The following DPF1 variants were observed in gnomAD, a reference collection of about 807,000 sequenced individuals.
DPF1 encodes the protein double PHD fingers 1, also known as zinc finger protein neuro-d4.
DPF1 carries 14 observed loss-of-function variants against 58.7 expected under a neutral mutation model. The ratio of observed to expected loss-of-function variants is 0.24; its 90% CI spans 0.16 to 0.37. The LOEUF (loss-of-function observed/expected upper bound fraction) is 0.37. Among genes scored for constraint, DPF1 ranks in the 10% least tolerant of loss-of-function variants. The pLI, the probability that DPF1 is intolerant of heterozygous loss-of-function variation, is 1.00. For missense variants in DPF1, 345 were observed against 529.9 expected, an observed-to-expected ratio of 0.65 and a Z score of 3.43; for synonymous variants, 216 against 216.0, an observed-to-expected ratio of 1.00 and a Z score of 0.00.
chr19:38,223,126 A>C, intron 1 of DPF1: 2 of 177,014 alleles, frequency 1.1e-5, no homozygotes, highest in African/African-American at 2.4e-5. Flanking sequence ...AAAGACAAAT[A>C]TCCCAAGTTC....
chr19:38,215,608 T>C (rs938115302), intron 9 of DPF1, among the ~76,000 whole-genome samples: 1 of 152,148 alleles, frequency 6.6e-6, no homozygotes, highest in South Asian at 2.1e-4. Flanking sequence ...CAGCTAACTT[T>C]TTTTATATAT....
chr19:38,219,196 G>T, intron 3 of DPF1, 138 bp from the exon 4 acceptor site: 1 of 1,281,444 alleles, frequency 7.8e-7, no homozygotes, highest in South Asian at 1.4e-5. Flanking sequence ...TGCCCTAGGA[G>T]GGAGGCCCAG....
rs1973444902 is a variant in DPF1 at position 38,211,836 on chromosome 19, T to A, written c.*227A>T. 1 of 570,564 alleles carries A rather than the reference T, an allele frequency of 1.8e-6. No homozygotes were observed. Among genetic ancestry groups the A allele is most frequent in the Admixed American group, 3.2e-5 (1 of 30,988 alleles). The allele number at this position is 570,564 out of a possible 1,614,324, so 35.3% of individuals were successfully genotyped here. Reference sequence around the variant, plus strand: ...TGAGGGGAGAAGCCCCTGGTGTCCATTTGCCAAGGGACAGAGAGGGAGGGA... The same window carrying A: ...TGAGGGGAGAAGCCCCTGGTGTCCAATTGCCAAGGGACAGAGAGGGAGGGA... On this transcript the variant is annotated 3_prime_UTR_variant, in exon 12 of 12. Transcript: ENST00000355526. This position sits in a 1 kb window ranked among gnomAD's most constrained non-coding sequence, Gnocchi z 4.0.
chr19:38,219,157 G>A (rs1967263396), intron 3 of DPF1, 99 bp from the exon 4 acceptor site: 31 of 1,509,136 alleles, frequency 2.1e-5, no homozygotes, highest in Non-Finnish European at 2.8e-5. Context: ...CAGGAGGGAA[G>A]AGGCTGCAGA....
chr19:38,217,720 CGGGA>C, intron 6 of DPF1, 74 bp downstream of exon 6: 1 of 1,597,886 alleles, frequency 6.3e-7, no homozygotes, highest in Non-Finnish European at 8.5e-7. Flanking sequence ...GGGTCTGGAA[CGGGA>C]GGGAGAGGGC....
Position 38,211,995 on chromosome 19 carries a change from G to A in DPF1, c.*68C>T, listed in dbSNP as rs919490610. 27 of 1,545,158 alleles carry A rather than the reference G, an allele frequency of 1.7e-5. No individual in the cohort carries two copies. Among genetic ancestry groups the A allele is most frequent in the Non-Finnish European group, 2.2e-5 (25 of 1,133,276 alleles). On this transcript the variant is annotated 3_prime_UTR_variant, in exon 12 of 12. Coordinates refer to ENST00000355526, the MANE Select transcript of DPF1 (RefSeq NM_001135155.3). The surrounding 1 kb of genome is among the most constrained non-coding windows in gnomAD (Gnocchi z 4.0). The stretch of plus-strand genomic sequence containing the variant: ...CCCCTGCGGGATGTTCAGGGTGGGG[G>A]AGAATTGAGGAGCTCGGAGAGGCAG...
chr19:38,214,201 G>A (rs1042003406), intron 9 of DPF1, among the ~76,000 whole-genome samples: 3 of 152,048 alleles, frequency 2.0e-5, no homozygotes, highest in African/African-American at 2.4e-5. Flanking sequence ...CTTCCACAAC[G>A]GGGTCCCCAC....
intron 3 of DPF1, among the ~76,000 whole-genome samples, chr19:38,221,438 G>A (rs1169694869): frequency 1.3e-5 from 2 of 152,006 alleles, no homozygotes; most frequent in African/African-American, 4.8e-5. Flanking sequence ...TACTCAGGAG[G>A]CTGAGACAGG....
intron 7 of DPF1, 33 bp downstream of exon 7, chr19:38,217,427 C>T: frequency 6.5e-7 from 1 of 1,543,818 alleles, no homozygotes; most frequent in South Asian, 1.2e-5. Context: ...CTCCCAGGGC[C>T]CCTGGCCACC....
At chr19:38,228,540 CGGGAGGAGG>C (rs2146236460), upstream of DPF1, 1 of 129,732 alleles carries the variant, frequency 7.7e-6, no homozygotes, top group East Asian at 2.8e-4. Flanking sequence ...CCACCAGGCC[CGGGAGGAGG>C]GGGAGGGGAG....
At chr19:38,223,969 C>T (rs1448510244) in intron 1 of DPF1, 145 bp downstream of exon 1, 7 of 1,121,964 alleles carry the variant, frequency 6.2e-6, no homozygotes, top group Non-Finnish European at 8.1e-6. Context: ...GACCCACAGT[C>T]ACACACTCTC....
rs780997299 is a variant in DPF1, at chr19:38,219,031, C to T, written c.326G>A (p.Gly109Asp). Residue 109 changes from glycine to aspartate, a missense_variant, in exon 4 of 12, where the codon GGT becomes GAT. By Grantham distance (94) the Gly-to-Asp change is moderately conservative (BLOSUM62 -1). Transcript: ENST00000355526. ...GAGGACCGGCCCTTCCGGGAGGCCA[C>T]CCTCCTTCTTCAGGGGTGCTTCACA... ...IDCEAPLKKE[G>D]GLPEGPVLEA... 1 of 1,614,158 alleles carries T rather than the reference C, an allele frequency of 6.2e-7. No homozygotes were observed. The highest frequency in any genetic ancestry group is 8.5e-7 in the Non-Finnish European group (1 of 1,180,034).
chr19:38,224,012 C>A lies in DPF1; in HGVS notation c.29+102G>T. On this transcript the variant is annotated intron_variant, in intron 1 of 11. Transcript: ENST00000355526. This position sits in a 1 kb window ranked among gnomAD's most constrained non-coding sequence, Gnocchi z 4.5. ...CGCGCAGCCCCGCACTCGGTGACAG[C>A]CCCCCAGACACCCCTTCGGCCCCAC... 1.5e-6 allele frequency: 2 copies of A among 1,348,686 alleles called. No homozygotes were observed. The highest frequency in any genetic ancestry group is 1.9e-6 in the Non-Finnish European group (2 of 1,046,298). 83.5% of individuals were successfully genotyped at this position (1,348,686 alleles called of 1,614,324 possible).
At chr19:38,223,579 C>T (rs1406046038) in intron 1 of DPF1, among the ~76,000 whole-genome samples, 1 of 152,116 alleles carries the variant, frequency 6.6e-6, no homozygotes, top group African/African-American at 2.4e-5. Context: ...GCCCTACATA[C>T]CCAAAAACAC....
In DPF1 at chr19:38,222,524, C is replaced by T. The variant is rs748259995; in HGVS notation, c.190+24G>A. 1.9e-6 allele frequency: 3 copies of T among 1,605,750 alleles called. No homozygotes were observed. The South Asian group carries it at 3.3e-5, about 18-fold the overall frequency. On this transcript the variant is annotated intron_variant, in intron 2 of 11. Transcript: ENST00000355526. This position sits in a 1 kb window ranked among gnomAD's most constrained non-coding sequence, Gnocchi z 4.9. ...TGGGGCGGCCTGGCCCCGCCCCGCC[C>T]TGCGCCAGCCCTCCCGGCGGTACCC...
intron 7 of DPF1, 86 bp downstream of exon 7, chr19:38,217,374 A>T: frequency 2.0e-6 from 2 of 989,386 alleles, no homozygotes; most frequent in Non-Finnish European, 1.4e-6. Flanking sequence ...AGAAATGTCT[A>T]ATGCCCCCCC....
chr19:38,219,238 G>A, intron 3 of DPF1, 180 bp from the exon 4 acceptor site: 1 of 785,614 alleles, frequency 1.3e-6, no homozygotes, highest in Non-Finnish European at 2.0e-6. Context: ...GCCCTCAGAT[G>A]CCCTGGGATG....
Position 38,217,605 on chromosome 19 carries a change from G to T in DPF1, c.596-14C>A. ...GTTTCCCACAGACTGGGGAGCGAGC[G>T]AGCCAGGAGGGCCTGTCAGCCCCTC... On this transcript the variant is annotated splice_polypyrimidine_tract_variant and intron_variant, in intron 6 of 11. Coordinates refer to ENST00000355526, the MANE Select transcript of DPF1 (RefSeq NM_001135155.3). 6.5e-7 allele frequency: 1 copy of T among 1,540,454 alleles called. No homozygotes were observed. Among genetic ancestry groups the T allele is most frequent in the Non-Finnish European group, 8.8e-7 (1 of 1,139,686 alleles).
At position 38,216,411 on chromosome 19, in the gene DPF1, A is replaced by AG. The variant is rs770727581; in HGVS notation, c.728-9dup. On this transcript the variant is annotated splice_polypyrimidine_tract_variant and intron_variant, in intron 7 of 11. Coordinates refer to ENST00000355526, the MANE Select transcript of DPF1 (RefSeq NM_001135155.3). ...CCAATTCTTTGTAAAACTCTGGGGTAGGGGGGACAGAGAGAGGGACTCTCA... is the reference window on the plus strand; with the variant it reads ...CCAATTCTTTGTAAAACTCTGGGGTAGGGGGGGACAGAGAGAGGGACTCTCA... 6 of 1,577,438 alleles carry AG rather than the reference A, an allele frequency of 3.8e-6. No individual in the cohort carries two copies. Among genetic ancestry groups the AG allele is most frequent in the East Asian group, 2.2e-5 (1 of 44,542 alleles).
Sources: allele counts gnomAD v4.1 joint callset (sites outside exome capture counted in the v4.1 genomes callset), GRCh38; gene constraint gnomAD v4.1.1; non-coding constraint Gnocchi (gnomAD v3.1); transcripts MANE v1.5; gene names NCBI Gene and HGNC (gene_info 2026-07-23, HGNC 2026-07-21).